The following NEGR1 variants were observed in gnomAD, a reference collection of about 807,000 sequenced individuals.
The protein encoded by NEGR1 is IgLON family member 4.
A neutral mutation model predicts 40.9 loss-of-function variants in NEGR1; 10 were observed. The ratio of observed to expected loss-of-function variants is 0.24; its 90% CI spans 0.15 to 0.42. NEGR1 has a LOEUF of 0.42. Ranked by LOEUF, NEGR1 falls within the 10% of genes least tolerant of loss-of-function variation. The pLI is 1.00. For synonymous variants in NEGR1, 185 were observed against 166.8 expected, an observed-to-expected ratio of 1.11 and a Z score of -0.84; for missense variants, 352 against 438.9, an observed-to-expected ratio of 0.80 and a Z score of 1.77.
chr1:71,449,301 A>G (rs761462478), intron 6 of NEGR1, among the ~76,000 whole-genome samples: 1 of 152,224 alleles, frequency 6.6e-6, no homozygotes, highest in African/African-American at 2.4e-5. Flanking sequence ...CACTGTTTAC[A>G]CTGACTAAAA....
At chr1:71,430,018 A>G (rs963456893) in intron 6 of NEGR1, among the ~76,000 whole-genome samples, 4 of 152,176 alleles carry the variant, frequency 2.6e-5, no homozygotes, top group Non-Finnish European at 4.4e-5. Context: ...ATCTCCTAGG[A>G]CAGATAAGCA....
At chr1:71,987,475 C>G (rs943274334) in intron 1 of NEGR1, among the ~76,000 whole-genome samples, 1 of 152,114 alleles carries the variant, frequency 6.6e-6, no homozygotes, top group African/African-American at 2.4e-5. Flanking sequence ...ATAACGCCGA[C>G]CAAATAGTAC....
At position 71,750,184 on chromosome 1, in the gene NEGR1, G is replaced by A. The variant is rs1029143385; in HGVS notation, c.535+25988C>T. Among the ~76,000 whole-genome samples the A allele has an allele frequency of 3.3e-5, 5 of 151,838 alleles. No individual in the cohort carries two copies. The East Asian group carries it at 7.8e-4, about 24-fold the overall frequency. ...AATTTTTTGTATTTTTAGTAGAGAC[G>A]GGGTTTCACCTTGTTAACCAGGATG... On this transcript the variant is annotated intron_variant, in intron 3 of 6. Coordinates refer to ENST00000357731, the MANE Select transcript of NEGR1 (RefSeq NM_173808.3).
chr1:71,626,057 G>C (rs1172710364), intron 4 of NEGR1, among the ~76,000 whole-genome samples: 1 of 151,716 alleles, frequency 6.6e-6, no homozygotes, highest in Non-Finnish European at 1.5e-5. Context: ...AATGCCTGAT[G>C]ATCTGAGGTG....
chr1:72,242,960 A>C (rs1024917710), intron 1 of NEGR1, among the ~76,000 whole-genome samples: 2 of 151,744 alleles, frequency 1.3e-5, no homozygotes, highest in Non-Finnish European at 3.0e-5. Flanking sequence ...TAATAAAAGT[A>C]ATATTAATTG....
At chr1:72,223,528 G>A (rs1428988721) in intron 1 of NEGR1, among the ~76,000 whole-genome samples, 2 of 152,172 alleles carry the variant, frequency 1.3e-5, no homozygotes, top group East Asian at 3.9e-4. Context: ...GAAGTATGCT[G>A]TTTAAGTGGC....
At chr1:72,276,265 T>C (rs548955355) in intron 1 of NEGR1, among the ~76,000 whole-genome samples, 1 of 152,276 alleles carries the variant, frequency 6.6e-6, no homozygotes, top group East Asian at 1.9e-4. Context: ...ATTAGGGATA[T>C]TGTTATGGTC....
intron 1 of NEGR1, among the ~76,000 whole-genome samples, chr1:71,989,974 A>G (rs913728761): frequency 1.3e-5 from 2 of 152,210 alleles, no homozygotes. Context: ...ACATCTTAAA[A>G]TGATATAATC....
intron 6 of NEGR1, among the ~76,000 whole-genome samples, chr1:71,527,120 G>T (rs572777801): frequency 1.3e-5 from 2 of 151,460 alleles, no homozygotes; most frequent in African/African-American, 2.4e-5. Context: ...AGCACATATT[G>T]TATTACATAA....
intron 2 of NEGR1, among the ~76,000 whole-genome samples, chr1:71,886,355 C>T (rs1660722419): frequency 6.6e-6 from 1 of 151,568 alleles, no homozygotes; most frequent in African/African-American, 2.4e-5. Context: ...ATTCTTCTTC[C>T]ATAGTTTTAA....
intron 2 of NEGR1, among the ~76,000 whole-genome samples, chr1:71,918,507 G>A (rs1266903532): frequency 6.6e-6 from 1 of 152,010 alleles, no homozygotes; most frequent in Non-Finnish European, 1.5e-5. Flanking sequence ...ATCTTCATTA[G>A]CTAAATAAAT....
intron 2 of NEGR1, among the ~76,000 whole-genome samples, chr1:71,835,015 G>T (rs553553880): frequency 1.3e-5 from 2 of 152,004 alleles, no homozygotes; most frequent in African/African-American, 4.8e-5. Context: ...TCTGGACCAG[G>T]CTGGACTGAT....
intron 2 of NEGR1, among the ~76,000 whole-genome samples, chr1:71,823,294 C>T (rs895244359): frequency 2.7e-4 from 40 of 150,896 alleles, no homozygotes; most frequent in African/African-American, 8.8e-4. Flanking sequence ...AACCAAATCT[C>T]CACTCAATAA....
chr1:71,688,408 T>TATATATAAAAG (rs1329451116), intron 4 of NEGR1, among the ~76,000 whole-genome samples: 15 of 129,462 alleles, frequency 1.2e-4, no homozygotes, highest in African/African-American at 4.0e-4. Context: ...ATATATAAGA[T>TATATATAAAAG]ATATATAAAA....
At chr1:71,921,951 G>A (rs1645724501) in intron 2 of NEGR1, among the ~76,000 whole-genome samples, 1 of 151,854 alleles carries the variant, frequency 6.6e-6, no homozygotes, top group African/African-American at 2.4e-5. Context: ...TTCAAAAAAA[G>A]GATGGTCTAA....
At chr1:72,246,650 A>G (rs1223730377) in intron 1 of NEGR1, among the ~76,000 whole-genome samples, 1 of 152,188 alleles carries the variant, frequency 6.6e-6, no homozygotes, top group African/African-American at 2.4e-5. Context: ...TCTTATTGCA[A>G]TAAGTCTTGC....
intron 2 of NEGR1, among the ~76,000 whole-genome samples, chr1:71,879,134 GA>G (rs58438323): frequency 0.31 from 42,343 of 135,828 alleles, 6,087 homozygotes; most frequent in East Asian, 0.53. Flanking sequence ...ACTCTGTCTC[GA>G]AAAAAAAAAA....
chr1:71,882,300 G>T (rs1660603380), intron 2 of NEGR1, among the ~76,000 whole-genome samples: 2 of 152,070 alleles, frequency 1.3e-5, no homozygotes, highest in Admixed American at 1.3e-4. Flanking sequence ...GGCCCAGTGA[G>T]TTACTTATAT....
chr1:72,200,486 A>T (rs1653164832), intron 1 of NEGR1, among the ~76,000 whole-genome samples: 1 of 151,886 alleles, frequency 6.6e-6, no homozygotes, highest in Admixed American at 6.6e-5. Flanking sequence ...GGACACAAAG[A>T]TGGCAACAAT....
Sources: gnomAD v4.1 joint callset for allele counts (sites outside exome capture counted in the v4.1 genomes callset) on GRCh38, gnomAD v4.1.1 for gene constraint, MANE v1.5 for transcripts, NCBI Gene and HGNC (gene_info 2026-07-23, HGNC 2026-07-21) for gene names.